Variants in SHC2 observed in about 807,000 individuals in gnomAD.
The protein encoded by SHC2 is SHC-transforming protein 2.
A neutral mutation model predicts 60.6 loss-of-function variants in SHC2; 62 were observed. The ratio of observed to expected loss-of-function variants is 1.02; its 90% CI spans 0.83 to 1.26. The LOEUF (loss-of-function observed/expected upper bound fraction) is 1.26, where lower values mean the gene tolerates loss of function less well. Among genes scored for constraint, SHC2 ranks in the 50% most tolerant of loss-of-function variants. The pLI, the probability that SHC2 is intolerant of heterozygous loss-of-function variation, is 0.00. For synonymous variants in SHC2, 375 were observed against 372.4 expected (o/e 1.01, Z -0.08); for missense variants, 873 against 822.2 (o/e 1.06, Z -0.76).
chr19:437,883 C>T (rs1029426505), intron 4 of SHC2, among the ~76,000 whole-genome samples: 4 of 152,234 alleles, frequency 2.6e-5, no homozygotes, highest in African/African-American at 7.2e-5. Context: ...CAGGAAGTCT[C>T]TTCTAGCACC....
Position 425,001 on chromosome 19 carries a change from C to T in SHC2, c.1309+96G>A. ...GAGAAGGGAGCCTCCCCCATCAGAC[C>T]AGGGAATCCCGTAGGGAGTGGGGGT... is the stretch of plus-strand genomic sequence containing the variant. On this transcript the variant is annotated intron_variant, in intron 10 of 12. Transcript: ENST00000264554. This position sits in a 1 kb window ranked among gnomAD's most constrained non-coding sequence, Gnocchi z 4.1. The T allele has an allele frequency of 8.0e-7, 1 of 1,255,128 alleles. No individual in the cohort carries two copies. The highest frequency in any genetic ancestry group is 2.8e-5 in the East Asian group (1 of 35,364). 77.7% of individuals were successfully genotyped at this position (1,255,128 alleles called of 1,614,324 possible).
chr19:458,622 G>A (rs1221735200), intron 1 of SHC2, among the ~76,000 whole-genome samples: 4 of 129,348 alleles, frequency 3.1e-5, no homozygotes, highest in Admixed American at 7.9e-5. Flanking sequence ...GGAGGCGGAC[G>A]CGGGTTCCGG....
intron 9 of SHC2, among the ~76,000 whole-genome samples, chr19:427,323 C>G (rs1050991223): frequency 6.6e-6 from 1 of 152,240 alleles, no homozygotes; most frequent in Non-Finnish European, 1.5e-5. Context: ...AAGGCCGGCG[C>G]TCCGTGACCC....
intron 11 of SHC2, among the ~76,000 whole-genome samples, chr19:420,607 G>A (rs1433186625): frequency 6.6e-6 from 1 of 152,206 alleles, no homozygotes; most frequent in African/African-American, 2.4e-5. Context: ...ACTGTAAGAT[G>A]CGCCATGATT....
Position 439,014 on chromosome 19 carries a change from G to C in SHC2, c.556C>G (p.Leu186Val), listed in dbSNP as rs2145724538. 6.3e-7 allele frequency: 1 copy of C among 1,594,438 alleles called. No individual in the cohort carries two copies. The highest frequency in any genetic ancestry group is 1.1e-5 in the South Asian group (1 of 88,030). The change falls in exon 3 of 13, where the codon CTC becomes GTC. Residue 186 changes from leucine to valine, a missense_variant. Leu to Val is a conservative substitution (Grantham distance 32). Transcript: ENST00000264554. Reference sequence around the variant, plus strand: ...CGGACGCCAGGCACGGCCTCATGGAGCCGGTTGATGGCTTCCCTGGGGTTG... The same window carrying C: ...CGGACGCCAGGCACGGCCTCATGGACCCGGTTGATGGCTTCCCTGGGGTTG... ...TQVTREAINR[L>V]HEAVPGVRGS...
intron 1 of SHC2, among the ~76,000 whole-genome samples, chr19:452,544 G>T (rs1436784094): frequency 6.8e-6 from 1 of 147,278 alleles, no homozygotes; most frequent in Non-Finnish European, 1.5e-5. Context: ...CATTGAGGTT[G>T]GGGCATCGTA....
intron 1 of SHC2, among the ~76,000 whole-genome samples, chr19:454,939 G>A (rs770871912): frequency 4.6e-5 from 7 of 152,238 alleles, no homozygotes; most frequent in Non-Finnish European, 2.9e-5. Flanking sequence ...GCCCGTGGCC[G>A]CATCGCTCGT....
chr19:437,251 C>A (rs1327014675), intron 4 of SHC2, among the ~76,000 whole-genome samples: 1 of 151,498 alleles, frequency 6.6e-6, no homozygotes, highest in Non-Finnish European at 1.5e-5. Flanking sequence ...CATCTGCGTG[C>A]TCGTTTGCGT....
In SHC2 at chr19:440,807, C is replaced by T. The variant is rs943777286; in HGVS notation, c.539+55G>A. 17 of 1,484,960 alleles carry T rather than the reference C, an allele frequency of 1.1e-5. No homozygotes were observed. Among genetic ancestry groups the T allele is most frequent in the African/African-American group, 2.9e-5 (2 of 70,014 alleles). The allele number at this position is 1,484,960 out of a possible 1,614,324, so 92.0% of individuals were successfully genotyped here. On this transcript the variant is annotated intron_variant, in intron 2 of 12. Coordinates refer to ENST00000264554, the MANE Select transcript of SHC2 (RefSeq NM_012435.3). This position sits in a 1 kb window ranked among gnomAD's most constrained non-coding sequence, Gnocchi z 7.0. ...CATCGCTGCCGCCCTCCAGTGCTGC[C>T]GCCCTCCAGTGCGTCACTCAGCCCT... is the stretch of plus-strand genomic sequence containing the variant.
At position 446,064 on chromosome 19, in the gene SHC2, A is replaced by T. The variant is rs889970153; in HGVS notation, c.469-5132T>A. On this transcript the variant is annotated intron_variant, in intron 1 of 12. Transcript: ENST00000264554. This position sits in a 1 kb window ranked among gnomAD's most constrained non-coding sequence, Gnocchi z 5.4. ...AGGGAGAGTCTGTCTCAAAATAAAA[A>T]AAAAAAAAGACAAGCACAGAGGGAG... is the stretch of plus-strand genomic sequence containing the variant. 1.3e-5 allele frequency among the ~76,000 whole-genome samples: 2 copies of T among 151,686 alleles called. No individual in the cohort carries two copies. The highest frequency in any genetic ancestry group is 2.9e-5 in the Non-Finnish European group (2 of 67,912).
chr19:425,118 T>G lies in SHC2; in HGVS notation c.1288A>C (p.Lys430Gln), dbSNP rs747034680. 7.8e-6 allele frequency: 11 copies of G among 1,406,408 alleles called. No homozygotes were observed. In the East Asian group the frequency reaches 1.9e-4, roughly 25 times the overall value. The allele number at this position is 1,406,408 out of a possible 1,614,324, so 87.1% of individuals were successfully genotyped here. A position where few individuals can be genotyped will look rare whatever the true frequency, so the allele number is the denominator to read the frequency against. Residue 430 changes from lysine (K) to glutamine (Q), a missense_variant, in exon 10 of 13, where the codon AAA (lysine) becomes CAA (glutamine). Coordinates refer to ENST00000264554, the MANE Select transcript of SHC2 (RefSeq NM_012435.3). This position sits in a 1 kb window ranked among gnomAD's most constrained non-coding sequence, Gnocchi z 4.1. ...LDAPEPEDSP[K>Q]KDLFDMRPFE... The stretch of plus-strand genomic sequence containing the variant: ...ATACGCATGTCAAACAGATCCTTTT[T>G]GGGGCTGTCCTCCGGCTCGGGGGCG...
intron 1 of SHC2, among the ~76,000 whole-genome samples, chr19:443,894 G>GTGGA (rs1301017286): frequency 6.9e-5 from 8 of 115,694 alleles, no homozygotes; most frequent in African/African-American, 2.7e-4. Flanking sequence ...GGATGGGTGG[G>GTGGA]TGGATGGATG....
At chr19:434,546 CTGTG>C (rs2145716211) in intron 8 of SHC2, among the ~76,000 whole-genome samples, 159 bp downstream of exon 8, 3 of 142 alleles carry the variant, frequency 0.021, no homozygotes, top group Admixed American at 0.14. Context: ...GATTGTGAGT[CTGTG>C]AGTAAGTGAA....
intron 1 of SHC2, among the ~76,000 whole-genome samples, chr19:456,563 A>G (rs948318858): frequency 1.4e-5 from 2 of 147,006 alleles, no homozygotes; most frequent in Non-Finnish European, 3.0e-5. Flanking sequence ...GCCACCCCCT[A>G]CTTAAAACCA....
chr19:436,587 G>A (rs372170910), intron 5 of SHC2, 43 bp downstream of exon 5: 11 of 1,593,318 alleles, frequency 6.9e-6, no homozygotes, highest in Non-Finnish European at 9.4e-6. Flanking sequence ...GCGGCCGGAG[G>A]GGGGCGGCAG....
At chr19:443,734 G>GAA (rs1974974984) in intron 1 of SHC2, among the ~76,000 whole-genome samples, 1 of 138,094 alleles carries the variant, frequency 7.2e-6, no homozygotes, top group Non-Finnish European at 1.6e-5. Flanking sequence ...GGATGGGTGG[G>GAA]TGGATGGATG....
chr19:430,906 C>A (rs545071362), intron 8 of SHC2, among the ~76,000 whole-genome samples, 159 bp from the exon 9 acceptor site: 1 of 152,206 alleles, frequency 6.6e-6, no homozygotes, highest in African/African-American at 2.4e-5. Context: ...TGTAACTAGG[C>A]CCCCTGGGTC....
intron 2 of SHC2, chr19:439,568 C>T (rs140924020): frequency 8.0e-4 from 123 of 153,892 alleles, no homozygotes; most frequent in African/African-American, 2.7e-3. Context: ...GAAGGGGCCC[C>T]GGAAATGTCG....
chr19:454,387 G>C (rs1857384218), intron 1 of SHC2, among the ~76,000 whole-genome samples: 2 of 152,158 alleles, frequency 1.3e-5, no homozygotes, highest in Admixed American at 1.3e-4. Flanking sequence ...TGCCAAACCA[G>C]AGCCACTGCC....
Sources: gnomAD v4.1 joint callset for allele counts (sites outside exome capture counted in the v4.1 genomes callset) on GRCh38, gnomAD v4.1.1 for gene constraint, Gnocchi (gnomAD v3.1) non-coding constraint, MANE v1.5 for transcripts, NCBI Gene and HGNC (gene_info 2026-07-23, HGNC 2026-07-21) for gene names.